PDE4B: variants seen among roughly 807,000 people sequenced by gnomAD.
The protein encoded by PDE4B is 3',5'-cyclic-AMP phosphodiesterase 4B.
PDE4B carries 20 observed loss-of-function variants against 82.2 expected under a neutral mutation model. The observed-to-expected ratio is 0.24, with a 90% confidence interval of 0.17 to 0.35. The LOEUF is 0.35. Among genes scored for constraint, PDE4B ranks in the 10% least tolerant of loss-of-function variants. The pLI is 1.00. For missense variants in PDE4B, 655 were observed against 907.2 expected (o/e 0.72, Z 3.57); for synonymous variants, 320 against 318.9 (o/e 1.00, Z -0.04).
chr1:65,831,491 T>G (rs977491021), intron 1 of PDE4B, among the ~76,000 whole-genome samples: 23 of 152,240 alleles, frequency 1.5e-4, no homozygotes, highest in South Asian at 8.3e-4. Flanking sequence ...ATTAGAAAAC[T>G]TGCTAGTTCT....
intron 1 of PDE4B, among the ~76,000 whole-genome samples, chr1:65,817,949 T>C (rs1645904996): frequency 6.6e-6 from 1 of 152,170 alleles, no homozygotes; most frequent in African/African-American, 2.4e-5. Context: ...CAGATAAACT[T>C]GTAAAATTTC....
intron 3 of PDE4B, among the ~76,000 whole-genome samples, chr1:66,148,802 T>G (rs1452083768): frequency 6.6e-6 from 1 of 152,186 alleles, no homozygotes; most frequent in Non-Finnish European, 1.5e-5. Context: ...AGCATAATGT[T>G]TTTAGGGTTT....
chr1:65,992,728 A>G, intron 3 of PDE4B: 6 of 1,353,104 alleles, frequency 4.4e-6, no homozygotes, highest in Non-Finnish European at 4.7e-6. Context: ...TGACAGCCTG[A>G]CTTGCTATTC....
chr1:66,289,377 A>T (rs1557681373), intron 7 of PDE4B, among the ~76,000 whole-genome samples: 1 of 152,190 alleles, frequency 6.6e-6, no homozygotes, highest in Non-Finnish European at 1.5e-5. Context: ...AAAGGATATT[A>T]AAAGGGCACG....
chr1:65,979,185 A>C (rs1248651252), intron 3 of PDE4B, among the ~76,000 whole-genome samples: 1 of 152,190 alleles, frequency 6.6e-6, no homozygotes, highest in East Asian at 1.9e-4. Context: ...TTTCTAAGGG[A>C]TATATAATGT....
At chr1:66,326,047 T>C (rs1175952553) in intron 7 of PDE4B, among the ~76,000 whole-genome samples, 4 of 152,206 alleles carry the variant, frequency 2.6e-5, no homozygotes, top group Non-Finnish European at 2.9e-5. Flanking sequence ...TAGTAGGGCA[T>C]CCTGGTCTAT....
chr1:65,932,915 A>G (rs1234707273), intron 3 of PDE4B, among the ~76,000 whole-genome samples: 2 of 152,134 alleles, frequency 1.3e-5, no homozygotes, highest in Admixed American at 6.6e-5. Flanking sequence ...AAAAAGAAAA[A>G]CGAATGACAA....
At chr1:66,052,912 C>T (rs1404470867) in intron 3 of PDE4B, among the ~76,000 whole-genome samples, 2 of 152,164 alleles carry the variant, frequency 1.3e-5, no homozygotes, top group East Asian at 3.8e-4. Context: ...CACATTTGTA[C>T]CTTCCTCCCA....
rs186383169 is a variant in PDE4B at position 66,049,817 on chromosome 1, G to A, written c.281+130982G>A. On this transcript the variant is annotated intron_variant, in intron 3 of 16. Transcript: ENST00000341517. ...TTAATTTCAGCATTTCAACCACCGT[G>A]TACATCCTCAAAATGCCTTTCACTT... 1.5e-3 allele frequency among the ~76,000 whole-genome samples: 231 copies of A among 152,022 alleles called. 1 individual carries two copies. The highest frequency in any genetic ancestry group is 2.4e-3 in the Admixed American group (37 of 15,218).
At chr1:66,137,310 G>A (rs1339157312) in intron 3 of PDE4B, among the ~76,000 whole-genome samples, 9 of 152,150 alleles carry the variant, frequency 5.9e-5, no homozygotes, top group African/African-American at 2.2e-4. Context: ...GAAGAGGTTA[G>A]GACTGATTAG....
chr1:66,046,663 G>T (rs1214361461), intron 3 of PDE4B, among the ~76,000 whole-genome samples: 1 of 151,788 alleles, frequency 6.6e-6, no homozygotes, highest in Admixed American at 6.6e-5. Flanking sequence ...AAACCAAGAA[G>T]ACTCTGAATT....
intron 9 of PDE4B, among the ~76,000 whole-genome samples, chr1:66,358,397 G>A (rs185620975): frequency 2.0e-5 from 3 of 152,240 alleles, no homozygotes; most frequent in East Asian, 1.9e-4. Flanking sequence ...TTAACAGGCC[G>A]GGCGTGGCAG....
intron 3 of PDE4B, among the ~76,000 whole-genome samples, chr1:65,956,339 A>C (rs1330827267): frequency 6.6e-6 from 1 of 152,128 alleles, no homozygotes; most frequent in Non-Finnish European, 1.5e-5. Context: ...TTTAGCTAAC[A>C]GTTTGATTTC....
intron 3 of PDE4B, among the ~76,000 whole-genome samples, chr1:66,004,585 A>G (rs145029361): frequency 4.6e-4 from 70 of 152,234 alleles, no homozygotes; most frequent in African/African-American, 1.6e-3. Flanking sequence ...TACTTTCTCC[A>G]TTAGTGAAAC....
intron 3 of PDE4B, among the ~76,000 whole-genome samples, chr1:66,232,386 T>C (rs753182919): frequency 6.6e-6 from 1 of 152,186 alleles, no homozygotes; most frequent in African/African-American, 2.4e-5. Flanking sequence ...TTTGCCCTTT[T>C]GGGGATATAC....
chr1:65,917,420 A>G (rs936970902), intron 2 of PDE4B, among the ~76,000 whole-genome samples: 1 of 152,158 alleles, frequency 6.6e-6, no homozygotes, highest in African/African-American at 2.4e-5. Context: ...TGATGCTAGG[A>G]CTTCCGTTAT....
At chr1:65,988,449 A>G (rs543942613) in intron 3 of PDE4B, among the ~76,000 whole-genome samples, 7 of 152,122 alleles carry the variant, frequency 4.6e-5, no homozygotes, top group Non-Finnish European at 7.4e-5. Context: ...ATGTTAGTTC[A>G]TTGGTGCTCT....
chr1:65,807,288 G>T (rs568848030), intron 1 of PDE4B, among the ~76,000 whole-genome samples: 7 of 152,012 alleles, frequency 4.6e-5, no homozygotes, highest in African/African-American at 1.7e-4. Flanking sequence ...TATACACATC[G>T]TTCTATAACT....
At position 66,374,211 on chromosome 1, in the gene PDE4B, G is replaced by T. The variant is rs2050887962; in HGVS notation, c.*1533G>T. On this transcript the variant is annotated 3_prime_UTR_variant, in exon 17 of 17. Coordinates refer to ENST00000341517, the MANE Select transcript of PDE4B (RefSeq NM_002600.4). ...CATTAAGCAGGAATGTCATGTTCCA[G>T]TTCATTACAAAAGAAAACAATAAAA... 1 of 152,602 alleles carries T rather than the reference G, an allele frequency of 6.6e-6. No homozygotes were observed. Among genetic ancestry groups the T allele is most frequent in the African/African-American group, 2.4e-5 (1 of 41,434 alleles). 9.5% of individuals were successfully genotyped at this position (152,602 alleles called of 1,614,324 possible). A position where few individuals can be genotyped will look rare whatever the true frequency, so the allele number is the denominator to read the frequency against.
Sources: gnomAD v4.1 joint callset for allele counts (sites outside exome capture counted in the v4.1 genomes callset) on GRCh38, gnomAD v4.1.1 for gene constraint, MANE v1.5 for transcripts, NCBI Gene and HGNC (gene_info 2026-07-23, HGNC 2026-07-21) for gene names.